Variants in FARS2 observed in about 807,000 individuals in gnomAD.
FARS2 encodes phenylalanine--tRNA ligase, mitochondrial.
Under a neutral mutation model 46.4 loss-of-function variants are expected in FARS2, and 40 were observed. The observed-to-expected ratio is 0.86, with a 90% CI of 0.67 to 1.12. The LOEUF (loss-of-function observed/expected upper bound fraction) is 1.12, where lower values mean the gene tolerates loss of function less well. Among genes scored for constraint, FARS2 ranks in the 50% most tolerant of loss-of-function variants. The pLI, the probability that FARS2 is intolerant of heterozygous loss-of-function variation, is 0.00. For synonymous variants in FARS2, 234 were observed against 214.9 expected (o/e 1.09, Z -0.78); for missense variants, 513 against 567.9 (o/e 0.90, Z 0.98).
chr6:5,390,870 C>T (rs954640395), intron 2 of FARS2, among the ~76,000 whole-genome samples: 1 of 152,166 alleles, frequency 6.6e-6, no homozygotes, highest in Admixed American at 6.5e-5. Context: ...ATGATCATAG[C>T]TTACATGTTT....
intron 4 of FARS2, chr6:5,467,022 A>G: frequency 2.0e-6 from 2 of 985,224 alleles, no homozygotes; most frequent in Non-Finnish European, 2.4e-6. Context: ...TTGAATACAA[A>G]TTAAAGTTTT....
chr6:5,533,589 G>C (rs1045105650), intron 4 of FARS2, among the ~76,000 whole-genome samples: 2 of 152,190 alleles, frequency 1.3e-5, no homozygotes, highest in Admixed American at 6.5e-5. Flanking sequence ...TGCACTGCAG[G>C]CTAGCAGGGG....
chr6:5,704,659 T>C (rs1269302608), intron 6 of FARS2, among the ~76,000 whole-genome samples: 1 of 152,236 alleles, frequency 6.6e-6, no homozygotes, highest in African/African-American at 2.4e-5. Context: ...GCGTAAATCC[T>C]AGAACTCAAG....
intron 5 of FARS2, among the ~76,000 whole-genome samples, chr6:5,553,951 A>G (rs1274687679): frequency 6.6e-6 from 1 of 152,200 alleles, no homozygotes; most frequent in Non-Finnish European, 1.5e-5. Flanking sequence ...TGGTCTGACT[A>G]GGTGGTGAAA....
chr6:5,341,344 A>G (rs1488724159), intron 1 of FARS2, among the ~76,000 whole-genome samples: 1 of 139,272 alleles, frequency 7.2e-6, no homozygotes, highest in African/African-American at 2.7e-5. Context: ...CCCCTCCCTC[A>G]TCAGTGTCCC....
At chr6:5,297,982 G>A (rs61702543) in intron 1 of FARS2, among the ~76,000 whole-genome samples, 4,017 of 152,338 alleles carry the variant, frequency 0.026, 184 homozygotes, top group African/African-American at 0.091. Flanking sequence ...GCTGGATTTA[G>A]GTTAGGGGAA....
At chr6:5,344,448 T>C (rs142735146) in intron 1 of FARS2, among the ~76,000 whole-genome samples, 1 of 152,156 alleles carries the variant, frequency 6.6e-6, no homozygotes, top group Non-Finnish European at 1.5e-5. Context: ...TTGAGTATAC[T>C]GTACCTCCCT....
chr6:5,484,316 A>C (rs1160878783), intron 4 of FARS2, among the ~76,000 whole-genome samples: 1 of 152,158 alleles, frequency 6.6e-6, no homozygotes, highest in Non-Finnish European at 1.5e-5. Context: ...TTAGAAGGAA[A>C]TCATGATCTT....
At chr6:5,482,578 A>C (rs959563926) in intron 4 of FARS2, among the ~76,000 whole-genome samples, 3 of 152,122 alleles carry the variant, frequency 2.0e-5, no homozygotes, top group African/African-American at 7.2e-5. Flanking sequence ...GTGGTGTGCT[A>C]GGTACAAGCT....
intron 2 of FARS2, among the ~76,000 whole-genome samples, chr6:5,388,339 A>G (rs905324426): frequency 1.3e-5 from 2 of 152,222 alleles, no homozygotes; most frequent in Non-Finnish European, 2.9e-5. Context: ...TGTGAGTTAT[A>G]TGTGTGTTTA....
intron 4 of FARS2, among the ~76,000 whole-genome samples, chr6:5,454,622 G>A (rs1764722768): frequency 6.6e-6 from 1 of 152,176 alleles, no homozygotes; most frequent in Admixed American, 6.5e-5. Context: ...GGGATTGCAG[G>A]CGTGAGCCAC....
At chr6:5,480,458 T>C (rs766185987) in intron 4 of FARS2, among the ~76,000 whole-genome samples, 38 of 152,204 alleles carry the variant, frequency 2.5e-4, no homozygotes, top group Middle Eastern at 3.2e-3. Context: ...TTGTATCCGG[T>C]GTTTCTTTTC....
intron 4 of FARS2, among the ~76,000 whole-genome samples, chr6:5,466,056 C>T (rs1243458995): frequency 6.6e-6 from 1 of 152,080 alleles, no homozygotes; most frequent in Non-Finnish European, 1.5e-5. Flanking sequence ...ACTTCTGAAG[C>T]TCATTTCTTA....
intron 1 of FARS2, among the ~76,000 whole-genome samples, chr6:5,315,761 T>TCTTTCTTCCTTTCTTTC (rs1561952069): frequency 7.5e-6 from 1 of 132,632 alleles, no homozygotes; most frequent in South Asian, 2.3e-4. Context: ...TTTCTTTCTT[T>TCTTTCTTCCTTTCTTTC]TTTTTGGGGA....
rs5873988 is a variant in FARS2, at chr6:5,607,983, ATT to A, written c.1066-5171_1066-5170del. Among the ~76,000 whole-genome samples the A allele has an allele frequency of 9.5e-3, 1,385 of 146,266 alleles. 11 individuals are homozygous for A. The highest frequency in any genetic ancestry group is 0.02 in the African/African-American group (799 of 39,846). ...ATTGCTACTTTTTACTTGGGCATGTATTTTTTTTTTTTTTTTAGTTTCCAAAT... is the reference window on the plus strand; with the variant it reads ...ATTGCTACTTTTTACTTGGGCATGTATTTTTTTTTTTTTTAGTTTCCAAAT... On this transcript the variant is annotated intron_variant, in intron 5 of 6. Coordinates refer to ENST00000274680, the MANE Select transcript of FARS2 (RefSeq NM_006567.5).
intron 3 of FARS2, among the ~76,000 whole-genome samples, chr6:5,420,968 C>T (rs1402111067): frequency 2.0e-5 from 3 of 151,888 alleles, no homozygotes; most frequent in African/African-American, 7.3e-5. Flanking sequence ...TCTCACAGCT[C>T]CACTAAGTGG....
chr6:5,657,837 C>CT (rs1185362646), intron 6 of FARS2, among the ~76,000 whole-genome samples: 1 of 152,172 alleles, frequency 6.6e-6, no homozygotes, highest in African/African-American at 2.4e-5. Context: ...AGAGTGGAGG[C>CT]TCGCAGGCAG....
intron 6 of FARS2, among the ~76,000 whole-genome samples, chr6:5,723,337 A>T (rs1760033068): frequency 6.6e-6 from 1 of 152,178 alleles, no homozygotes; most frequent in African/African-American, 2.4e-5. Flanking sequence ...AACCCTAGTT[A>T]TTGCAAATAT....
At chr6:5,534,644 G>C (rs1271535265) in intron 4 of FARS2, among the ~76,000 whole-genome samples, 1 of 151,994 alleles carries the variant, frequency 6.6e-6, no homozygotes, top group Admixed American at 6.6e-5. Flanking sequence ...AACATATTTT[G>C]TTTATCCATT....
Sources: gnomAD v4.1 joint callset for allele counts (sites outside exome capture counted in the v4.1 genomes callset) on GRCh38, gnomAD v4.1.1 for gene constraint, MANE v1.5 for transcripts, NCBI Gene and HGNC (gene_info 2026-07-23, HGNC 2026-07-21) for gene names.